Variants in CACNA2D3 observed in about 807,000 individuals in gnomAD.
CACNA2D3 encodes the protein voltage-dependent calcium channel subunit alpha-2/delta-3.
Under a neutral mutation model 160.6 loss-of-function variants are expected in CACNA2D3, and 60 were observed. That is an observed-to-expected ratio of 0.37 (90% CI 0.30 to 0.46). The LOEUF is 0.46. CACNA2D3 is among the 20% of genes least tolerant of loss of function. The probability of loss-of-function intolerance (pLI) is 1.00; values close to 1 mark genes in which losing one functional copy is unlikely to be tolerated. For missense variants in CACNA2D3, 1,205 were observed against 1,365.0 expected (o/e 0.88, Z 1.85); for synonymous variants, 558 against 492.9 (o/e 1.13, Z -1.75).
chr3:54,490,957 G>A (rs1288024349), intron 4 of CACNA2D3, among the ~76,000 whole-genome samples: 1 of 152,158 alleles, frequency 6.6e-6, no homozygotes, highest in Admixed American at 6.5e-5. Flanking sequence ...GCATACAACT[G>A]TGAAGGAGTT....
intron 4 of CACNA2D3, among the ~76,000 whole-genome samples, chr3:54,424,773 C>G (rs985654339): frequency 1.3e-5 from 2 of 152,180 alleles, no homozygotes; most frequent in Admixed American, 1.3e-4. Context: ...TCCCCACATC[C>G]TGTATTTCCC....
chr3:54,253,776 T>G (rs1245098555), intron 2 of CACNA2D3, among the ~76,000 whole-genome samples: 1 of 53,438 alleles, frequency 1.9e-5, no homozygotes, highest in Non-Finnish European at 4.2e-5. Flanking sequence ...TGATTCCCTG[T>G]TTTTTTTTGT....
At chr3:54,709,176 ATTTTTT>A (rs5849053) in intron 11 of CACNA2D3, among the ~76,000 whole-genome samples, 1 of 148,190 alleles carries the variant, frequency 6.7e-6, no homozygotes, top group Non-Finnish European at 1.5e-5. Flanking sequence ...TGCCTGACTA[ATTTTTT>A]TTTTGTATTT....
At chr3:54,670,757 G>A (rs911798386) in intron 11 of CACNA2D3, among the ~76,000 whole-genome samples, 2 of 152,112 alleles carry the variant, frequency 1.3e-5, no homozygotes, top group African/African-American at 4.8e-5. Flanking sequence ...CTTGCAAATA[G>A]CACAAGCAGA....
chr3:54,945,804 A>C (rs750789326), intron 27 of CACNA2D3, among the ~76,000 whole-genome samples: 4 of 152,172 alleles, frequency 2.6e-5, no homozygotes, highest in Non-Finnish European at 4.4e-5. Context: ...GGGACCAGGC[A>C]GGGTTTGCAG....
rs1339940246 is a variant in CACNA2D3, at chr3:54,786,097, CAAAT to C, written c.1380+21748_1380+21751del. Among the ~76,000 whole-genome samples, 5 of 152,324 alleles carry C rather than the reference CAAAT, an allele frequency of 3.3e-5. No individual in the cohort carries two copies. In the East Asian group the frequency reaches 7.7e-4, roughly 23 times the overall value. On this transcript the variant is annotated intron_variant, in intron 13 of 37. Coordinates refer to ENST00000474759, the MANE Select transcript of CACNA2D3 (RefSeq NM_018398.3). ...GTTACAAATCCCTTCCCTAACTCCT[CAAAT>C]AGAAAGGGACCACCTATTACTCTCT... is the stretch of plus-strand genomic sequence containing the variant.
chr3:54,816,926 C>T lies in CACNA2D3; in HGVS notation c.1398+56C>T, dbSNP rs760377192. ...CCCCAGAACTCACGAGTCATGCATG[C>T]CTCCATGGTGTTGTACATTTGACAC... On this transcript the variant is annotated intron_variant, in intron 14 of 37. Transcript: ENST00000474759. The T allele has an allele frequency of 7.5e-5, 118 of 1,571,160 alleles. No individual in the cohort carries two copies. In the Middle Eastern group the frequency reaches 2.2e-3, roughly 29 times the overall value.
chr3:54,992,112 C>T (rs923936899), intron 31 of CACNA2D3, among the ~76,000 whole-genome samples: 1 of 152,162 alleles, frequency 6.6e-6, no homozygotes, highest in Non-Finnish European at 1.5e-5. Context: ...GTTCAAGCTG[C>T]AGCCCAAGAA....
chr3:54,142,626 TG>T (rs1417441228), intron 2 of CACNA2D3, among the ~76,000 whole-genome samples: 1 of 152,182 alleles, frequency 6.6e-6, no homozygotes, highest in Non-Finnish European at 1.5e-5. Context: ...CACTACTACT[TG>T]TTGAACATTT....
intron 17 of CACNA2D3, among the ~76,000 whole-genome samples, chr3:54,860,927 GC>G (rs1338899180): frequency 6.6e-6 from 1 of 152,126 alleles, no homozygotes; most frequent in Non-Finnish European, 1.5e-5. Context: ...TCTAGAAAAG[GC>G]CAAAAACATA....
intron 2 of CACNA2D3, among the ~76,000 whole-genome samples, chr3:54,187,882 T>C (rs1359956095): frequency 6.6e-6 from 1 of 152,094 alleles, no homozygotes; most frequent in Non-Finnish European, 1.5e-5. Context: ...TTGCCCCTGC[T>C]CTGTGGCCGG....
At chr3:54,463,643 C>CTG (rs1223628925) in intron 4 of CACNA2D3, among the ~76,000 whole-genome samples, 3 of 152,156 alleles carry the variant, frequency 2.0e-5, no homozygotes, top group Admixed American at 6.6e-5. Flanking sequence ...AAGCACTTCT[C>CTG]TATTGGTTAT....
intron 21 of CACNA2D3, among the ~76,000 whole-genome samples, chr3:54,882,882 A>G (rs1273789664): frequency 6.6e-6 from 1 of 152,244 alleles, no homozygotes; most frequent in African/African-American, 2.4e-5. Flanking sequence ...TGCCAGTGCC[A>G]GAGATTACAA....
At position 54,627,838 on chromosome 3, in the gene CACNA2D3, G is replaced by A. The variant is rs1327598651; in HGVS notation, c.1015G>A (p.Asp339Asn). The A allele has an allele frequency of 1.2e-6, 2 of 1,610,206 alleles. No homozygotes were observed. Among genetic ancestry groups the A allele is most frequent in the Non-Finnish European group, 8.5e-7 (1 of 1,178,156 alleles). Residue 339 changes from aspartate (D) to asparagine (N), a missense_variant, in exon 10 of 38, where the codon GAT (aspartate) becomes AAT (asparagine). By Grantham distance (23) the Asp-to-Asn change is conservative. Transcript: ENST00000474759. ...TTTCGCCAAAGGAATTGGAATGTTGGATATAGCTCTGAATGAGGCCTTCAA... is the reference window on the plus strand; with the variant it reads ...TTTCGCCAAAGGAATTGGAATGTTGAATATAGCTCTGAATGAGGCCTTCAA... ...KLFAKGIGML[D>N]IALNEAFNIL...
chr3:54,161,151 C>T (rs1458736403), intron 2 of CACNA2D3, among the ~76,000 whole-genome samples: 3 of 152,132 alleles, frequency 2.0e-5, no homozygotes, highest in South Asian at 2.1e-4. Flanking sequence ...CACGTAAAAG[C>T]GGTGTGAATC....
intron 5 of CACNA2D3, among the ~76,000 whole-genome samples, chr3:54,505,806 A>T (rs1407188068): frequency 1.3e-5 from 2 of 152,232 alleles, no homozygotes; most frequent in African/African-American, 2.4e-5. Context: ...CTTTAAAGGC[A>T]TAATTGTGCC....
chr3:55,022,107 A>AATTC (rs1703469421), intron 35 of CACNA2D3, among the ~76,000 whole-genome samples: 1 of 152,012 alleles, frequency 6.6e-6, no homozygotes, highest in Non-Finnish European at 1.5e-5. Context: ...TGTGCCATTC[A>AATTC]ATTCATTTTG....
At chr3:54,580,178 C>T (rs1702650694) in intron 8 of CACNA2D3, among the ~76,000 whole-genome samples, 2 of 152,106 alleles carry the variant, frequency 1.3e-5, no homozygotes, top group Admixed American at 6.5e-5. Flanking sequence ...AGTGATTGGA[C>T]GTGCTTGCCA....
At chr3:54,475,088 G>A (rs190707431) in intron 4 of CACNA2D3, among the ~76,000 whole-genome samples, 3 of 152,280 alleles carry the variant, frequency 2.0e-5, no homozygotes, top group Non-Finnish European at 2.9e-5. Flanking sequence ...CTTGCACATT[G>A]CGTCAAGTCA....
Sources: allele counts gnomAD v4.1 joint callset (sites outside exome capture counted in the v4.1 genomes callset), GRCh38; gene constraint gnomAD v4.1.1; transcripts MANE v1.5; gene names NCBI Gene and HGNC (gene_info 2026-07-23, HGNC 2026-07-21).